FSD1: variants seen among roughly 807,000 people sequenced by gnomAD.
FSD1 encodes fibronectin type III and SPRY domain containing 1.
Under a neutral mutation model 58.2 loss-of-function variants are expected in FSD1, and 23 were observed. That is an observed-to-expected ratio of 0.40 (90% CI 0.28 to 0.56). The LOEUF (loss-of-function observed/expected upper bound fraction) is 0.56, where lower values mean the gene tolerates loss of function less well. Ranked by LOEUF, FSD1 falls within the 20% of genes least tolerant of loss-of-function variation. The pLI is 0.54. For synonymous variants in FSD1, 265 were observed against 263.4 expected (o/e 1.01, Z -0.06); for missense variants, 563 against 670.8 (o/e 0.84, Z 1.78).
intron 10 of FSD1, among the ~76,000 whole-genome samples, chr19:4,320,344 C>A (rs969612375): frequency 6.6e-6 from 1 of 151,936 alleles, no homozygotes; most frequent in African/African-American, 2.4e-5. Flanking sequence ...CTAGGGGGAG[C>A]ATCTGGACCC....
intron 4 of FSD1, among the ~76,000 whole-genome samples, chr19:4,309,687 A>G (rs1052701016): frequency 1.3e-5 from 2 of 151,944 alleles, no homozygotes; most frequent in Non-Finnish European, 2.9e-5. Context: ...AGGCGGGCCG[A>G]TCATGAGGTC....
At chr19:4,314,101 G>T (rs1404122495) in intron 7 of FSD1, among the ~76,000 whole-genome samples, 1 of 152,128 alleles carries the variant, frequency 6.6e-6, no homozygotes, top group African/African-American at 2.4e-5. Flanking sequence ...CTGGCTGACG[G>T]GTTTAACTAT....
rs144315014 is a variant in FSD1, at chr19:4,318,347, G to A, written c.801G>A (p.Ala267=). 2.2e-5 allele frequency: 35 copies of A among 1,613,606 alleles called. No homozygotes were observed. Among genetic ancestry groups the A allele is most frequent in the South Asian group, 7.7e-5 (7 of 91,076 alleles). ...FSEPVTLETP[A]FMFRLDASTS... Reference sequence around the variant, plus strand: ...ACTCCCACGTCTGCCCGGCCCCAGCGTTCATGTTCCGCCTGGATGCGTCCA... The same window carrying A: ...ACTCCCACGTCTGCCCGGCCCCAGCATTCATGTTCCGCCTGGATGCGTCCA... Residue 267 remains alanine, a splice_region_variant and synonymous_variant, in exon 9 of 13, where the codon GCG becomes GCA. Coordinates refer to ENST00000221856, the MANE Select transcript of FSD1 (RefSeq NM_024333.3).
At chr19:4,310,887 C>G (rs536438765) in intron 6 of FSD1, 13 of 302,152 alleles carry the variant, frequency 4.3e-5, no homozygotes, top group Admixed American at 1.9e-4. Flanking sequence ...TGGTTGAGTC[C>G]TCATGAGGCC....
At chr19:4,319,080 A>G in intron 10 of FSD1, 129 bp downstream of exon 10, 1 of 721,204 alleles carries the variant, frequency 1.4e-6, no homozygotes, top group Non-Finnish European at 2.5e-6. Flanking sequence ...CCGGAATAAC[A>G]GGTTGTTCTG....
At chr19:4,308,773 G>A (rs1971654489) in intron 4 of FSD1, among the ~76,000 whole-genome samples, 1 of 151,938 alleles carries the variant, frequency 6.6e-6, no homozygotes, top group African/African-American at 2.4e-5. Context: ...CAGGAGAATG[G>A]CGTGAACTCG....
chr19:4,309,265 A>C (rs1190299118), intron 4 of FSD1, among the ~76,000 whole-genome samples: 3 of 152,110 alleles, frequency 2.0e-5, no homozygotes, highest in African/African-American at 7.2e-5. Flanking sequence ...AAGAAAAAAA[A>C]AGTATTCATT....
rs760574679 is a variant in FSD1 at position 4,318,420 on chromosome 19, G to T, written c.874G>T (p.Ala292Ser). ...RVDDLSVEWD[A>S]MGGKVQDIKA... Reference sequence around the variant, plus strand: ...GGATGATCTCTCCGTGGAGTGGGACGCTATGGGCGGGAAGGTGCAGGATAT... The same window carrying T: ...GGATGATCTCTCCGTGGAGTGGGACTCTATGGGCGGGAAGGTGCAGGATAT... The change falls in exon 9 of 13, where the codon GCT (alanine) becomes TCT (serine). Residue 292 changes from alanine (A) to serine (S), a missense_variant. By Grantham distance (99) the Ala-to-Ser change is moderately conservative. Transcript: ENST00000221856. 2.9e-5 allele frequency: 47 copies of T among 1,613,772 alleles called. No individual in the cohort carries two copies. The highest frequency in any genetic ancestry group is 4.0e-5 in the Non-Finnish European group (47 of 1,180,004).
chr19:4,322,602 T>C (rs10460193), intron 10 of FSD1, among the ~76,000 whole-genome samples: 11,649 of 81,770 alleles, frequency 0.14, 644 homozygotes, highest in Middle Eastern at 0.28. Context: ...GGAATAGCTG[T>C]GGCCCAAGGT....
chr19:4,317,850 C>T lies in FSD1; in HGVS notation c.800-496C>T, dbSNP rs554995963. Among the ~76,000 whole-genome samples the T allele has an allele frequency of 2.6e-5, 4 of 152,258 alleles. No individual in the cohort carries two copies. In the East Asian group the frequency reaches 7.8e-4, roughly 30 times the overall value. ...TGGCCAATATGGTGAAACCCCGTCTCTACTGAAAATACAAAAATTAGCTGG... is the reference window on the plus strand; with the variant it reads ...TGGCCAATATGGTGAAACCCCGTCTTTACTGAAAATACAAAAATTAGCTGG... On this transcript the variant is annotated intron_variant, in intron 8 of 12. Coordinates refer to ENST00000221856, the MANE Select transcript of FSD1 (RefSeq NM_024333.3).
At chr19:4,305,795 CGCATGTGTGT>C (rs964568065) in intron 1 of FSD1, 141 bp from the exon 2 acceptor site, 57 of 660,944 alleles carry the variant, frequency 8.6e-5, no homozygotes, top group African/African-American at 1.9e-4. Flanking sequence ...TGTGTGTGTG[CGCATGTGTGT>C]GCATGTGTGT....
chr19:4,310,148 C>G, intron 4 of FSD1, 125 bp from the exon 5 acceptor site: 1 of 1,055,216 alleles, frequency 9.5e-7, no homozygotes, highest in South Asian at 1.3e-5. Flanking sequence ...TTGCTTGAAC[C>G]CAGGAGGTGG....
At chr19:4,312,198 T>C in intron 7 of FSD1, 147 bp downstream of exon 7, 2 of 712,612 alleles carry the variant, frequency 2.8e-6, no homozygotes, top group South Asian at 3.6e-5. Context: ...ATCAGAAATA[T>C]GAGACAGTGG....
At chr19:4,317,845 C>A (rs146768968) in intron 8 of FSD1, among the ~76,000 whole-genome samples, 1,624 of 152,212 alleles carry the variant, frequency 0.011, 29 homozygotes, top group African/African-American at 0.036. Flanking sequence ...GGTGAAACCC[C>A]GTCTCTACTG....
At chr19:4,316,440 T>G (rs1044536461) in intron 7 of FSD1, among the ~76,000 whole-genome samples, 1 of 151,346 alleles carries the variant, frequency 6.6e-6, no homozygotes, top group Non-Finnish European at 1.5e-5. Context: ...AGGCTGGTCT[T>G]GAACGCCTGA....
At chr19:4,308,632 C>T (rs570938847) in intron 4 of FSD1, among the ~76,000 whole-genome samples, 8 of 152,116 alleles carry the variant, frequency 5.3e-5, no homozygotes, top group African/African-American at 9.6e-5. Flanking sequence ...CCAAGGCGGG[C>T]GGATCACGAG....
rs565549330 is a variant in FSD1, at chr19:4,322,746, G to A, written c.1040-240G>A. ...AGCTGGGGCCCAAGGAGTATCTGGA[G>A]GGAATAGCTAGGAACTTGAGGCGTA... On this transcript the variant is annotated intron_variant, in intron 10 of 12. Transcript: ENST00000221856. Among the ~76,000 whole-genome samples, 13 of 152,190 alleles carry A rather than the reference G, an allele frequency of 8.5e-5. No individual in the cohort carries two copies. In the South Asian group the frequency reaches 2.7e-3, roughly 32 times the overall value.
chr19:4,306,739 C>A (rs1408071541), intron 3 of FSD1, among the ~76,000 whole-genome samples: 2 of 103,170 alleles, frequency 1.9e-5, no homozygotes, highest in Non-Finnish European at 3.9e-5. Context: ...CAGGCATGAG[C>A]CCCCGCGCCT....
chr19:4,306,381 C>A (rs373404447), intron 3 of FSD1, 52 bp downstream of exon 3: 2 of 1,597,650 alleles, frequency 1.3e-6, no homozygotes, highest in African/African-American at 1.3e-5. Context: ...CTCAACAGAA[C>A]GTAGCTGACC....
Sources: allele counts gnomAD v4.1 joint callset (sites outside exome capture counted in the v4.1 genomes callset), GRCh38; gene constraint gnomAD v4.1.1; transcripts MANE v1.5; gene names NCBI Gene and HGNC (gene_info 2026-07-23, HGNC 2026-07-21).